RPS6KA2: variants seen among roughly 807,000 people sequenced by gnomAD.
RPS6KA2 encodes ribosomal protein S6 kinase alpha-2.
In RPS6KA2, 42 loss-of-function variants were observed where a neutral mutation model predicts 91.8. The observed-to-expected ratio is 0.46, with a 90% CI of 0.36 to 0.59. RPS6KA2 has a LOEUF of 0.59. Ranked by LOEUF, RPS6KA2 falls within the 20% of genes least tolerant of loss-of-function variation. RPS6KA2 has a pLI of 0.00. For missense variants in RPS6KA2, 798 were observed against 978.5 expected, an observed-to-expected ratio of 0.82 and a Z score of 2.46; for synonymous variants, 414 against 393.6, an observed-to-expected ratio of 1.05 and a Z score of -0.61.
intron 2 of RPS6KA2, among the ~76,000 whole-genome samples, chr6:166,764,661 G>A (rs1262913724): frequency 6.6e-6 from 1 of 152,132 alleles, no homozygotes; most frequent in Non-Finnish European, 1.5e-5. Flanking sequence ...CCCAGGCACA[G>A]CCGGGTGCCC....
intron 1 of RPS6KA2, among the ~76,000 whole-genome samples, chr6:166,585,271 C>T (rs1348881698): frequency 3.3e-5 from 5 of 152,206 alleles, no homozygotes; most frequent in Admixed American, 2.0e-4. Context: ...CTTTCAGTCT[C>T]ACATCTTCAG....
intron 2 of RPS6KA2, among the ~76,000 whole-genome samples, chr6:166,727,521 T>A (rs983682813): frequency 6.6e-6 from 1 of 151,900 alleles, no homozygotes; most frequent in Admixed American, 6.5e-5. Context: ...CACTGTAATG[T>A]GCCAGCACCC....
upstream of RPS6KA2, among the ~76,000 whole-genome samples, chr6:166,628,766 T>C (rs959287872): frequency 2.0e-5 from 3 of 152,252 alleles, no homozygotes; most frequent in African/African-American, 7.2e-5. Context: ...GAAACCTGTC[T>C]CACCTCCCTT....
At chr6:166,851,710 A>C (rs893808257) in intron 2 of RPS6KA2, among the ~76,000 whole-genome samples, 1 of 152,196 alleles carries the variant, frequency 6.6e-6, no homozygotes, top group African/African-American at 2.4e-5. Flanking sequence ...CTCGGAAAGA[A>C]AGCACTCTGG....
intron 2 of RPS6KA2, among the ~76,000 whole-genome samples, chr6:166,636,619 A>G (rs1787249091): frequency 6.6e-6 from 1 of 151,770 alleles, no homozygotes; most frequent in Non-Finnish European, 1.5e-5. Flanking sequence ...AGTAATCACA[A>G]TATAAGGCCC....
In RPS6KA2 at chr6:166,490,529, A is replaced by G. The variant is rs78585149; in HGVS notation, c.818+142T>C. ...GCTACCATTTTGTGTAAAACCAGTG[A>G]CTTTTAGAAAACAGCTTACAATACT... On this transcript the variant is annotated intron_variant, in intron 9 of 20. Coordinates refer to ENST00000265678, the MANE Select transcript of RPS6KA2 (RefSeq NM_021135.6). The surrounding 1 kb of genome is among the most constrained non-coding windows in gnomAD (Gnocchi z 4.2). The G allele has an allele frequency of 5.7e-3, 3,902 of 681,942 alleles. 114 individuals carry two copies. The African/African-American group carries it at 0.063, about 11-fold the overall frequency. The allele number at this position is 681,942 out of a possible 1,614,324, so 42.2% of individuals were successfully genotyped here.
At chr6:166,717,589 G>A (rs9295363) in intron 2 of RPS6KA2, among the ~76,000 whole-genome samples, 13,775 of 152,238 alleles carry the variant, frequency 0.09, 1,157 homozygotes, top group African/African-American at 0.22. Flanking sequence ...TCCCGCGGGT[G>A]AAGTTGGAGC....
chr6:166,500,987 A>AGCTCTCCTCT lies in RPS6KA2; in HGVS notation c.567-64_567-63insAGAGGAGAGC. On this transcript the variant is annotated intron_variant, in intron 6 of 20. Coordinates refer to ENST00000265678, the MANE Select transcript of RPS6KA2 (RefSeq NM_021135.6). The surrounding 1 kb of genome is among the most constrained non-coding windows in gnomAD (Gnocchi z 4.3). ...AGACCCAGCCTGCCGACGGGCACGC[A>AGCTCTCCTCT]GAGCTCAGAGGAGAGCTGCGGGGCA... 3 of 1,515,568 alleles carry AGCTCTCCTCT rather than the reference A, an allele frequency of 2.0e-6. No homozygotes were observed. The highest frequency in any genetic ancestry group is 1.8e-6 in the Non-Finnish European group (2 of 1,094,816). The allele number at this position is 1,515,568 out of a possible 1,614,324, so 93.9% of individuals were successfully genotyped here.
At chr6:166,755,874 G>A (rs932952796) in intron 2 of RPS6KA2, among the ~76,000 whole-genome samples, 1 of 152,152 alleles carries the variant, frequency 6.6e-6, no homozygotes, top group Non-Finnish European at 1.5e-5. Context: ...TTCACACTTA[G>A]AGACCTGTCT....
intron 2 of RPS6KA2, among the ~76,000 whole-genome samples, chr6:166,734,693 C>A (rs1296857114): frequency 6.6e-6 from 1 of 152,144 alleles, no homozygotes; most frequent in Non-Finnish European, 1.5e-5. Context: ...TGACAATGTG[C>A]CTTATTCAAC....
chr6:166,600,519 C>T (rs538006954), intron 1 of RPS6KA2, among the ~76,000 whole-genome samples: 1 of 152,252 alleles, frequency 6.6e-6, no homozygotes, highest in Admixed American at 6.5e-5. Context: ...GTTTGACACA[C>T]TGTCTTGGGA....
At chr6:166,429,101 C>T (rs1052689082) in intron 16 of RPS6KA2, among the ~76,000 whole-genome samples, 1 of 151,972 alleles carries the variant, frequency 6.6e-6, no homozygotes, top group Admixed American at 6.6e-5. Context: ...GAATACTATG[C>T]AGCCATAAAA....
In RPS6KA2 at chr6:166,563,990, A is replaced by G. The variant is rs569705278; in HGVS notation, c.100-25206T>C. 2.1e-4 allele frequency among the ~76,000 whole-genome samples: 32 copies of G among 152,316 alleles called. No individual in the cohort carries two copies. Among genetic ancestry groups the G allele is most frequent in the African/African-American group, 7.5e-4 (31 of 41,554 alleles). On this transcript the variant is annotated intron_variant, in intron 1 of 20. Transcript: ENST00000265678. The surrounding 1 kb of genome is among the most constrained non-coding windows in gnomAD (Gnocchi z 4.1). The stretch of plus-strand genomic sequence containing the variant: ...GCAGATGTCAGATGTCAGCGCTGCC[A>G]ATGTTTCAGCACTGCGGTTCCTTGC...
intron 1 of RPS6KA2, chr6:166,586,431 G>C: frequency 6.3e-7 from 1 of 1,599,840 alleles, no homozygotes; most frequent in Non-Finnish European, 8.5e-7. Flanking sequence ...GAATCTACTA[G>C]CAAACATCTC....
At chr6:166,854,278 C>T in intron 2 of RPS6KA2, among the ~76,000 whole-genome samples, 1 of 152,198 alleles carries the variant, frequency 6.6e-6, no homozygotes. Context: ...GGACCTTCAC[C>T]AGAACTCACC....
intron 2 of RPS6KA2, among the ~76,000 whole-genome samples, chr6:166,836,823 C>T (rs1381211928): frequency 1.3e-5 from 2 of 152,166 alleles, no homozygotes; most frequent in Non-Finnish European, 2.9e-5. Context: ...CAGCAAAGGC[C>T]GAGATGACTT....
rs199984820 is a variant in RPS6KA2, at chr6:166,748,532, C to T, written c.123+109668G>A. ...AGCCTCCATGGGGGCCCCACCTCCT[C>T]GGGCCCCCCATCCCCTTGGGCCCCC... On this transcript the variant is annotated intron_variant, in intron 2 of 21. Coordinates refer to the RPS6KA2 transcript ENST00000503859. 1.8e-4 allele frequency among the ~76,000 whole-genome samples: 26 copies of T among 147,666 alleles called. No individual in the cohort carries two copies. In the East Asian group the frequency reaches 3.2e-3, roughly 18 times the overall value.
chr6:166,531,214 C>A lies in RPS6KA2; in HGVS notation c.298+18G>T, dbSNP rs1783263147. The A allele has an allele frequency of 6.3e-7, 1 of 1,583,038 alleles. No individual in the cohort carries two copies. Among genetic ancestry groups the A allele is most frequent in the Non-Finnish European group, 8.7e-7 (1 of 1,151,692 alleles). On this transcript the variant is annotated intron_variant, in intron 3 of 20. Transcript: ENST00000265678. Reference sequence around the variant, plus strand: ...AGTTACCTGTCTCTGAAGCAGCCGGCCCTTCCGAAGCTCTTACCTTTTAGG... The same window carrying A: ...AGTTACCTGTCTCTGAAGCAGCCGGACCTTCCGAAGCTCTTACCTTTTAGG...
chr6:166,555,471 G>A (rs948545763), intron 1 of RPS6KA2, among the ~76,000 whole-genome samples: 19 of 152,120 alleles, frequency 1.2e-4, no homozygotes, highest in African/African-American at 4.6e-4. Context: ...TCCTCTCCCT[G>A]TCCCACGAAG....
Sources: gnomAD v4.1 joint callset for allele counts (sites outside exome capture counted in the v4.1 genomes callset) on GRCh38, gnomAD v4.1.1 for gene constraint, Gnocchi (gnomAD v3.1) non-coding constraint, MANE v1.5 for transcripts, NCBI Gene and HGNC (gene_info 2026-07-23, HGNC 2026-07-21) for gene names.